IPPK: variants seen among roughly 807,000 people sequenced by gnomAD.
IPPK encodes the protein IPK1 homolog.
A neutral mutation model predicts 64.6 loss-of-function variants in IPPK; 22 were observed. The ratio of observed to expected loss-of-function variants is 0.34; its 90% CI spans 0.24 to 0.49. IPPK has a LOEUF of 0.49. Among genes scored for constraint, IPPK ranks in the 20% least tolerant of loss-of-function variants. The pLI is 0.99. For synonymous variants in IPPK, 262 were observed against 247.2 expected (o/e 1.06, Z -0.56); for missense variants, 532 against 630.7 (o/e 0.84, Z 1.68).
At chr9:92,645,317 AG>A (rs1169151062) in intron 6 of IPPK, among the ~76,000 whole-genome samples, 1 of 152,018 alleles carries the variant, frequency 6.6e-6, no homozygotes, top group African/African-American at 2.4e-5. Flanking sequence ...GCTTGAGTTC[AG>A]GGAGTCAAGG....
At chr9:92,655,171 T>G (rs1036169326) in intron 3 of IPPK, among the ~76,000 whole-genome samples, 12 of 152,222 alleles carry the variant, frequency 7.9e-5, no homozygotes, top group African/African-American at 2.9e-4. Flanking sequence ...GGTTGTATCT[T>G]GCCCCACAAC....
intron 6 of IPPK, among the ~76,000 whole-genome samples, chr9:92,643,807 C>T (rs1046270126): frequency 6.6e-6 from 1 of 152,220 alleles, no homozygotes; most frequent in Admixed American, 6.5e-5. Context: ...GAGATCACTT[C>T]ATTTCCACCT....
intron 11 of IPPK, among the ~76,000 whole-genome samples, chr9:92,633,368 C>CAAAA (rs777862993): frequency 3.1e-5 from 4 of 129,048 alleles, no homozygotes; most frequent in African/African-American, 1.1e-4. Context: ...TGTAAAATAC[C>CAAAA]AAAAAAAAAA....
intron 11 of IPPK, among the ~76,000 whole-genome samples, chr9:92,631,371 T>C (rs1054628499): frequency 3.3e-5 from 5 of 152,038 alleles, no homozygotes; most frequent in Non-Finnish European, 7.4e-5. Context: ...AATTTTTGTA[T>C]TTTTAGTAGA....
At chr9:92,623,314 A>C (rs62574671) in intron 11 of IPPK, among the ~76,000 whole-genome samples, 1 of 152,016 alleles carries the variant, frequency 6.6e-6, no homozygotes, top group African/African-American at 2.4e-5. Flanking sequence ...GGTGCCTGTA[A>C]TCCCAGCTAC....
chr9:92,639,169 C>A (rs1852000871), intron 8 of IPPK, among the ~76,000 whole-genome samples: 1 of 152,242 alleles, frequency 6.6e-6, no homozygotes, highest in Admixed American at 6.5e-5. Flanking sequence ...CCACCTCAGG[C>A]TCCCAAGTAG....
chr9:92,666,139 A>C (rs912998383), intron 1 of IPPK, among the ~76,000 whole-genome samples: 1 of 152,146 alleles, frequency 6.6e-6, no homozygotes, highest in African/African-American at 2.4e-5. Context: ...CACCTCTGTC[A>C]GTAAGAAGGA....
At chr9:92,652,410 C>T (rs1852284841) in intron 4 of IPPK, among the ~76,000 whole-genome samples, 163 bp downstream of exon 4, 1 of 146,452 alleles carries the variant, frequency 6.8e-6, no homozygotes, top group Admixed American at 6.9e-5. Flanking sequence ...GATCGCACCA[C>T]TGCACTCCTG....
intron 1 of IPPK, among the ~76,000 whole-genome samples, chr9:92,668,389 G>A (rs115613285): frequency 1.1e-3 from 168 of 152,336 alleles, no homozygotes; most frequent in African/African-American, 3.8e-3. Context: ...TGTCTGGAAC[G>A]TGCAGAGAGA....
chr9:92,657,684 A>G (rs1053090160), intron 2 of IPPK, among the ~76,000 whole-genome samples: 4 of 152,216 alleles, frequency 2.6e-5, no homozygotes, highest in African/African-American at 9.7e-5. Context: ...GCTGAGGCAG[A>G]AACCGCAAGA....
chr9:92,644,676 T>A (rs557301696), intron 6 of IPPK, among the ~76,000 whole-genome samples: 1 of 152,326 alleles, frequency 6.6e-6, no homozygotes, highest in South Asian at 2.1e-4. Flanking sequence ...CTAAGCTAAC[T>A]GAGCAGACTT....
chr9:92,637,245 G>T (rs867433724), intron 9 of IPPK, among the ~76,000 whole-genome samples: 7 of 152,226 alleles, frequency 4.6e-5, no homozygotes, highest in Non-Finnish European at 8.8e-5. Context: ...GGTGGAGGTT[G>T]CAGTGAGTCG....
Position 92,669,959 on chromosome 9 carries a change from T to C in IPPK, c.30A>G (p.Glu10=), listed in dbSNP as rs1392033775. The part of the protein sequence containing the change: MEEGKMDEN[E]WGYHGEGNKS... ...TATTGCCCTCTCCGTGGTACCCCCA[T>C]TCATTCTCGTCCATCTTCCCCTCTT... The change falls in exon 1 of 13, where the codon GAA becomes GAG. Residue 10 remains glutamate, a synonymous_variant. Transcript: ENST00000287996. 1 of 1,613,140 alleles carries C rather than the reference T, an allele frequency of 6.2e-7. No individual in the cohort carries two copies. Among genetic ancestry groups the C allele is most frequent in the South Asian group, 1.1e-5 (1 of 91,022 alleles).
At chr9:92,645,812 A>G (rs1852139630) in intron 6 of IPPK, among the ~76,000 whole-genome samples, 1 of 152,110 alleles carries the variant, frequency 6.6e-6, no homozygotes, top group Non-Finnish European at 1.5e-5. Flanking sequence ...CAAATAAACC[A>G]TAACTAAAAG....
chr9:92,627,500 G>A (rs982218233), intron 11 of IPPK, among the ~76,000 whole-genome samples: 3 of 152,084 alleles, frequency 2.0e-5, no homozygotes, highest in Non-Finnish European at 2.9e-5. Flanking sequence ...AGGACAAGAC[G>A]CCATGACCAA....
chr9:92,636,764 G>T (rs564387679), intron 9 of IPPK, among the ~76,000 whole-genome samples: 1 of 152,140 alleles, frequency 6.6e-6, no homozygotes, highest in South Asian at 2.1e-4. Flanking sequence ...GTTTTAAACT[G>T]CACATCCCAG....
intron 3 of IPPK, among the ~76,000 whole-genome samples, chr9:92,653,780 C>CAA (rs1852316004): frequency 6.6e-6 from 1 of 152,188 alleles, no homozygotes; most frequent in South Asian, 2.1e-4. Flanking sequence ...ACCTGGGAGG[C>CAA]AGAGGTTGCA....
intron 6 of IPPK, among the ~76,000 whole-genome samples, chr9:92,644,034 A>C (rs1852101876): frequency 6.6e-6 from 1 of 152,208 alleles, no homozygotes; most frequent in Non-Finnish European, 1.5e-5. Flanking sequence ...ATTGCATCCC[A>C]AGGGGCATGG....
chr9:92,657,056 A>C (rs1397846457), intron 2 of IPPK, among the ~76,000 whole-genome samples: 1 of 151,906 alleles, frequency 6.6e-6, no homozygotes, highest in East Asian at 1.9e-4. Flanking sequence ...AGCTTCTGAC[A>C]AAAAAAACCC....
Sources: gnomAD v4.1 joint callset for allele counts (sites outside exome capture counted in the v4.1 genomes callset) on GRCh38, gnomAD v4.1.1 for gene constraint, MANE v1.5 for transcripts, NCBI Gene and HGNC (gene_info 2026-07-23, HGNC 2026-07-21) for gene names.